The following DOK5 variants were observed in gnomAD, a reference collection of about 807,000 sequenced individuals.
DOK5 encodes the protein downstream of tyrosine kinase 5.
In DOK5, 27 loss-of-function variants were observed where a neutral mutation model predicts 43.3. The observed-to-expected ratio is 0.62, with a 90% CI of 0.46 to 0.86. The LOEUF (loss-of-function observed/expected upper bound fraction) is 0.86, where lower values mean the gene tolerates loss of function less well. Among genes scored for constraint, DOK5 ranks in the 40% least tolerant of loss-of-function variants. The probability of loss-of-function intolerance (pLI) is 0.00; values close to 1 mark genes in which losing one functional copy is unlikely to be tolerated. For missense variants in DOK5, 373 were observed against 392.9 expected, an observed-to-expected ratio of 0.95 and a Z score of 0.43; for synonymous variants, 146 against 140.1, an observed-to-expected ratio of 1.04 and a Z score of -0.30.
At chr20:54,537,824 A>G (rs979936195) in intron 1 of DOK5, among the ~76,000 whole-genome samples, 11 of 149,232 alleles carry the variant, frequency 7.4e-5, no homozygotes, top group African/African-American at 2.7e-4. Context: ...GAAATGATGT[A>G]CAAGTTCTTT....
At chr20:54,631,749 G>A (rs1308072314) in intron 6 of DOK5, among the ~76,000 whole-genome samples, 4 of 152,056 alleles carry the variant, frequency 2.6e-5, no homozygotes, top group Admixed American at 2.6e-4. Flanking sequence ...CGAGGTGGGC[G>A]GATCACAAGG....
intron 6 of DOK5, among the ~76,000 whole-genome samples, chr20:54,620,430 G>C (rs867095941): frequency 2.0e-5 from 3 of 152,136 alleles, no homozygotes; most frequent in Admixed American, 6.5e-5. Flanking sequence ...GTAGACACAG[G>C]GTTTCACCAT....
In DOK5 at chr20:54,594,233, G is replaced by GA. The variant is rs200182346; in HGVS notation, c.599+2437dup. The stretch of plus-strand genomic sequence containing the variant: ...TACAAAAAATAAAAGCAAATTAAAT[G>GA]AAAAAAAAATTAGCCAGGCATAGTG... On this transcript the variant is annotated intron_variant, in intron 5 of 7. Transcript: ENST00000262593. 3.2e-3 allele frequency among the ~76,000 whole-genome samples: 480 copies of GA among 151,108 alleles called. 3 individuals carry two copies. The highest frequency in any genetic ancestry group is 0.011 in the African/African-American group (447 of 41,160).
At chr20:54,595,827 C>T (rs1986124341) in intron 5 of DOK5, among the ~76,000 whole-genome samples, 1 of 152,160 alleles carries the variant, frequency 6.6e-6, no homozygotes, top group African/African-American at 2.4e-5. Context: ...AGTACTGATT[C>T]AGAATTTAGA....
At position 54,589,681 on chromosome 20, in the gene DOK5, C is replaced by T. The variant is rs985812214; in HGVS notation, c.409+875C>T. ...GTCTGTGGGTCATCTGGTTTGATTA[C>T]GGACATGGCAGAGATGGAATTGTAC... On this transcript the variant is annotated intron_variant, in intron 4 of 7. Transcript: ENST00000262593. 5.9e-5 allele frequency among the ~76,000 whole-genome samples: 9 copies of T among 152,102 alleles called. 1 individual carries two copies. Among genetic ancestry groups the T allele is most frequent in the Admixed American group, 6.5e-5 (1 of 15,270 alleles).
At chr20:54,583,825 T>A (rs910144555) in intron 2 of DOK5, among the ~76,000 whole-genome samples, 1 of 152,150 alleles carries the variant, frequency 6.6e-6, no homozygotes, top group Non-Finnish European at 1.5e-5. Context: ...ACCTGGTTTT[T>A]AATTTATCTT....
rs1162417711 is a variant in DOK5 at position 54,638,121 on chromosome 20, C to T, written c.736-5337C>T. On this transcript the variant is annotated intron_variant, in intron 6 of 7. Coordinates refer to ENST00000262593, the MANE Select transcript of DOK5 (RefSeq NM_018431.5). Reference sequence around the variant, plus strand: ...TGGGTGACAGAGCGAGACTCTGTCTCGAAAAAAAAAAAAAAAGATAATCCC... The same window carrying T: ...TGGGTGACAGAGCGAGACTCTGTCTTGAAAAAAAAAAAAAAAGATAATCCC... 1.3e-3 allele frequency among the ~76,000 whole-genome samples: 21 copies of T among 15,940 alleles called. No individual in the cohort carries two copies. In the East Asian group the frequency reaches 0.029, roughly 22 times the overall value. The allele number at this position is 15,940 out of a possible 152,430, so 10.5% of individuals were successfully genotyped here.
intron 1 of DOK5, among the ~76,000 whole-genome samples, chr20:54,488,316 T>G (rs1438426494): frequency 3.9e-5 from 6 of 152,210 alleles, no homozygotes; most frequent in Non-Finnish European, 8.8e-5. Flanking sequence ...ATCCATCTTC[T>G]CCATTAACTG....
chr20:54,495,797 G>T (rs1982367975), intron 1 of DOK5, among the ~76,000 whole-genome samples: 1 of 152,110 alleles, frequency 6.6e-6, no homozygotes, highest in African/African-American at 2.4e-5. Flanking sequence ...TGGAAGAATG[G>T]CTTGAACCCG....
chr20:54,626,797 T>C (rs1568818179), intron 6 of DOK5, among the ~76,000 whole-genome samples: 2 of 152,238 alleles, frequency 1.3e-5, no homozygotes, highest in Non-Finnish European at 2.9e-5. Flanking sequence ...CAGTAAACAT[T>C]TAATGGAAAT....
intron 1 of DOK5, among the ~76,000 whole-genome samples, chr20:54,486,236 G>T (rs760071138): frequency 1.3e-5 from 2 of 151,984 alleles, no homozygotes; most frequent in Non-Finnish European, 2.9e-5. Flanking sequence ...TTTTTGAAAA[G>T]GTTGTCTTTT....
rs1981387908 is a variant in DOK5, at chr20:54,475,679, G to C, written c.-268G>C. 1.9e-6 allele frequency: 1 copy of C among 532,292 alleles called. No individual in the cohort carries two copies. Among genetic ancestry groups the C allele is most frequent in the Admixed American group, 3.3e-5 (1 of 30,274 alleles). The allele number at this position is 532,292 out of a possible 1,614,324, so 33.0% of individuals were successfully genotyped here. Reference sequence around the variant, plus strand: ...CTCCTCCTGGCAGGCCGGCCGCGGAGTCAGCTGACGCCGGCGCTCCAGCCT... The same window carrying C: ...CTCCTCCTGGCAGGCCGGCCGCGGACTCAGCTGACGCCGGCGCTCCAGCCT... On this transcript the variant is annotated 5_prime_UTR_variant, in exon 1 of 8. Coordinates refer to ENST00000262593, the MANE Select transcript of DOK5 (RefSeq NM_018431.5). This position sits in a 1 kb window ranked among gnomAD's most constrained non-coding sequence, Gnocchi z 4.2.
chr20:54,636,863 G>A (rs563664600), intron 6 of DOK5, among the ~76,000 whole-genome samples: 63 of 152,170 alleles, frequency 4.1e-4, no homozygotes, highest in African/African-American at 1.3e-3. Flanking sequence ...GAAAGGTTTC[G>A]CCTCCCAAAA....
chr20:54,545,531 G>A (rs7274532), intron 1 of DOK5, among the ~76,000 whole-genome samples: 36,630 of 152,098 alleles, frequency 0.24, 7,227 homozygotes, highest in African/African-American at 0.55. Flanking sequence ...CACCATGGCA[G>A]AGGAAGAGCA....
At chr20:54,527,246 T>G (rs1253938481) in intron 1 of DOK5, among the ~76,000 whole-genome samples, 1 of 152,224 alleles carries the variant, frequency 6.6e-6, no homozygotes, top group Non-Finnish European at 1.5e-5. Flanking sequence ...TGTTTGAGAA[T>G]GGCCATTTTA....
chr20:54,556,098 A>T (rs948686774), intron 2 of DOK5, among the ~76,000 whole-genome samples: 7 of 152,352 alleles, frequency 4.6e-5, no homozygotes, highest in African/African-American at 1.4e-4. Flanking sequence ...CTTTATAGGC[A>T]CACCTGTATG....
At chr20:54,553,470 C>T (rs914995425) in intron 1 of DOK5, among the ~76,000 whole-genome samples, 2 of 151,164 alleles carry the variant, frequency 1.3e-5, no homozygotes, top group Non-Finnish European at 3.0e-5. Context: ...GCTGGGATTA[C>T]AGGCGTGAGC....
chr20:54,572,865 T>C (rs1326763107), intron 2 of DOK5, among the ~76,000 whole-genome samples: 2 of 152,228 alleles, frequency 1.3e-5, no homozygotes, highest in Admixed American at 6.5e-5. Flanking sequence ...GACATCACTG[T>C]GCCTCTCAGC....
chr20:54,643,191 C>T (rs1049272048), intron 6 of DOK5, among the ~76,000 whole-genome samples: 8 of 152,164 alleles, frequency 5.3e-5, no homozygotes, highest in Non-Finnish European at 1.0e-4. Context: ...TCAGCCCCAC[C>T]GGGACTAGAG....
Sources: gnomAD v4.1 joint callset for allele counts (sites outside exome capture counted in the v4.1 genomes callset) on GRCh38, gnomAD v4.1.1 for gene constraint, Gnocchi (gnomAD v3.1) non-coding constraint, MANE v1.5 for transcripts, NCBI Gene and HGNC (gene_info 2026-07-23, HGNC 2026-07-21) for gene names.